The following NFIC variants were observed in gnomAD, a reference collection of about 807,000 sequenced individuals.
The protein encoded by NFIC is nuclear factor I C, also known as nuclear factor 1 C-type.
NFIC carries 12 observed loss-of-function variants against 54.4 expected under a neutral mutation model. That is an observed-to-expected ratio of 0.22 (90% confidence interval 0.14 to 0.36). The LOEUF (loss-of-function observed/expected upper bound fraction) is 0.36, where lower values mean the gene tolerates loss of function less well. Ranked by LOEUF, NFIC falls within the 10% of genes least tolerant of loss-of-function variation. The pLI is 1.00. For synonymous variants in NFIC, 322 were observed against 319.2 expected, an observed-to-expected ratio of 1.01 and a Z score of -0.09; for missense variants, 575 against 718.2, an observed-to-expected ratio of 0.80 and a Z score of 2.28.
At chr19:3,386,105 G>A (rs1390947968) in intron 2 of NFIC, among the ~76,000 whole-genome samples, 1 of 151,762 alleles carries the variant, frequency 6.6e-6, no homozygotes, top group Non-Finnish European at 1.5e-5. Flanking sequence ...CCCCAACTCC[G>A]GCTGGGTGTG....
rs2082476307 is a variant in NFIC, at chr19:3,452,267, C to G, written c.1085-215C>G. ...ACAAAACTAAAAAATTAAATTAAAA[C>G]ACAAGGATAATATCACAGCCCCAGT... On this transcript the variant is annotated intron_variant, in intron 7 of 10. Coordinates refer to ENST00000443272, the MANE Select transcript of NFIC (RefSeq NM_001245002.2). This position sits in a 1 kb window ranked among gnomAD's most constrained non-coding sequence, Gnocchi z 5.3. Among the ~76,000 whole-genome samples, 1 of 152,052 alleles carries G rather than the reference C, an allele frequency of 6.6e-6. No homozygotes were observed. Among genetic ancestry groups the G allele is most frequent in the South Asian group, 2.1e-4 (1 of 4,820 alleles).
At chr19:3,397,210 A>G (rs1453792886) in intron 2 of NFIC, among the ~76,000 whole-genome samples, 1 of 152,200 alleles carries the variant, frequency 6.6e-6, no homozygotes, top group Non-Finnish European at 1.5e-5. Context: ...ACTGAGGCCT[A>G]GAGAGGCAAA....
upstream of NFIC, chr19:3,359,636 C>G: frequency 2.2e-6 from 3 of 1,341,754 alleles, no homozygotes; most frequent in Non-Finnish European, 2.9e-6. Context: ...CGCCGGGGAC[C>G]GAGCGCGCTC....
chr19:3,466,694 T>A lies in NFIC; in HGVS notation c.*3925T>A, dbSNP rs73919194. 19,190 of 151,664 alleles carry A rather than the reference T, an allele frequency of 0.13. 2,080 individuals are homozygous for A. Among genetic ancestry groups the A allele is most frequent in the African/African-American group, 0.3 (12,192 of 41,172 alleles). The allele number at this position is 151,664 out of a possible 1,614,324, so 9.4% of individuals were successfully genotyped here. ...TTTCTGCCCCACTCCTGAGCAAATC[T>A]GTCTTGCCAAGGAACTAGGAGCAAC... On this transcript the variant is annotated 3_prime_UTR_variant, in exon 11 of 11. Coordinates refer to ENST00000443272, the MANE Select transcript of NFIC (RefSeq NM_001245002.2). The surrounding 1 kb of genome is among the most constrained non-coding windows in gnomAD (Gnocchi z 4.8).
rs112908314 is a variant in NFIC, at chr19:3,455,882, C to T, written c.1424-668C>T. The stretch of plus-strand genomic sequence containing the variant: ...TTCCCTGCACCGGGGCTCTTAACTG[C>T]AAATCTACTCCTACTTCTCCCCATA... On this transcript the variant is annotated intron_variant, in intron 9 of 10. Coordinates refer to ENST00000443272, the MANE Select transcript of NFIC (RefSeq NM_001245002.2). Among the ~76,000 whole-genome samples, 630 of 152,210 alleles carry T rather than the reference C, an allele frequency of 4.1e-3. 5 individuals are homozygous for T. Among genetic ancestry groups the T allele is most frequent in the African/African-American group, 0.015 (611 of 41,522 alleles).
At chr19:3,390,267 T>C (rs2081357514) in intron 2 of NFIC, among the ~76,000 whole-genome samples, 3 of 152,218 alleles carry the variant, frequency 2.0e-5, no homozygotes, top group African/African-American at 7.2e-5. Context: ...CAGCCGTCTG[T>C]CTGTGCAGAG....
chr19:3,460,900 G>A (rs182935284), intron 10 of NFIC, among the ~76,000 whole-genome samples: 4 of 150,408 alleles, frequency 2.7e-5, no homozygotes, highest in Admixed American at 6.6e-5. Flanking sequence ...CAAAGCAAAC[G>A]AATAAGCTGA....
At chr19:3,412,538 T>C (rs933001651) in intron 2 of NFIC, among the ~76,000 whole-genome samples, 1 of 152,158 alleles carries the variant, frequency 6.6e-6, no homozygotes, top group Non-Finnish European at 1.5e-5. Flanking sequence ...ATTACAGGTG[T>C]GAGCCACTGT....
rs1364437127 is a variant in NFIC, at chr19:3,369,448, C to T, written c.30+2782C>T. Among the ~76,000 whole-genome samples, 8 of 151,020 alleles carry T rather than the reference C, an allele frequency of 5.3e-5. No individual in the cohort carries two copies. The highest frequency in any genetic ancestry group is 1.0e-4 in the Non-Finnish European group (7 of 67,468). On this transcript the variant is annotated intron_variant, in intron 1 of 10. Transcript: ENST00000443272. The surrounding 1 kb of genome is among the most constrained non-coding windows in gnomAD (Gnocchi z 4.3). The stretch of plus-strand genomic sequence containing the variant: ...TTCCCAGCTAATTTTACAACCTGAG[C>T]CCAACCGAAAATAGCTCCCTTTTAG...
chr19:3,365,348 G>A (rs747756160), upstream of NFIC, among the ~76,000 whole-genome samples: 11 of 152,218 alleles, frequency 7.2e-5, no homozygotes, highest in Non-Finnish European at 1.6e-4. Context: ...GCTCTGCTAA[G>A]GTCATTGTCC....
At position 3,375,489 on chromosome 19, in the gene NFIC, G is replaced by A. The variant is rs539641407; in HGVS notation, c.31-6223G>A. ...CCATCTCTGGGTCTCATCCAGTCAG[G>A]GGCAGGGACGAGATTGGACAGGGCC... On this transcript the variant is annotated intron_variant, in intron 1 of 10. Coordinates refer to ENST00000443272, the MANE Select transcript of NFIC (RefSeq NM_001245002.2). The surrounding 1 kb of genome is among the most constrained non-coding windows in gnomAD (Gnocchi z 4.6). 5.3e-5 allele frequency among the ~76,000 whole-genome samples: 8 copies of A among 152,322 alleles called. No homozygotes were observed. The East Asian group carries it at 1.5e-3, about 29-fold the overall frequency.
At chr19:3,405,538 C>T (rs559844100) in intron 2 of NFIC, among the ~76,000 whole-genome samples, 1 of 152,202 alleles carries the variant, frequency 6.6e-6, no homozygotes, top group African/African-American at 2.4e-5. Flanking sequence ...AGGAAGTTCT[C>T]TATGGAGGAT....
intron 2 of NFIC, among the ~76,000 whole-genome samples, chr19:3,422,885 C>T (rs967181278): frequency 2.0e-5 from 3 of 151,674 alleles, no homozygotes; most frequent in Non-Finnish European, 2.9e-5. Flanking sequence ...GGTTCTGACC[C>T]GCAGCTTTCC....
intron 6 of NFIC, among the ~76,000 whole-genome samples, chr19:3,448,104 G>T (rs1270826753): frequency 2.7e-5 from 4 of 149,414 alleles, no homozygotes; most frequent in Admixed American, 1.3e-4. Context: ...ATGGAGTCTT[G>T]CTCTGTAGCC....
chr19:3,377,759 G>A (rs1488609793), intron 1 of NFIC, among the ~76,000 whole-genome samples: 1 of 151,762 alleles, frequency 6.6e-6, no homozygotes, highest in African/African-American at 2.4e-5. Context: ...CTACAGGTGT[G>A]CGCCACAGCA....
upstream of NFIC, among the ~76,000 whole-genome samples, chr19:3,362,165 C>T (rs983155414): frequency 1.3e-5 from 2 of 152,048 alleles, no homozygotes; most frequent in East Asian, 1.9e-4. Context: ...TGTGATGGTG[C>T]GTATGTGACT....
chr19:3,441,068 C>T (rs551825953), intron 6 of NFIC, among the ~76,000 whole-genome samples: 11 of 151,996 alleles, frequency 7.2e-5, no homozygotes, highest in Admixed American at 2.6e-4. Context: ...CCTCTGCTTC[C>T]CACAGTGTTG....
intron 1 of NFIC, among the ~76,000 whole-genome samples, chr19:3,379,063 G>A (rs1195017541): frequency 6.6e-6 from 1 of 150,790 alleles, no homozygotes; most frequent in African/African-American, 2.4e-5. Flanking sequence ...TTGTTTTTTT[G>A]TTTTTTGTTT....
At chr19:3,415,559 A>C (rs908243136) in intron 2 of NFIC, among the ~76,000 whole-genome samples, 2 of 152,100 alleles carry the variant, frequency 1.3e-5, no homozygotes, top group Non-Finnish European at 2.9e-5. Flanking sequence ...GTCTGAGACC[A>C]CACAGCAAGA....
Sources: gnomAD v4.1 joint callset for allele counts (sites outside exome capture counted in the v4.1 genomes callset) on GRCh38, gnomAD v4.1.1 for gene constraint, Gnocchi (gnomAD v3.1) non-coding constraint, MANE v1.5 for transcripts, NCBI Gene and HGNC (gene_info 2026-07-23, HGNC 2026-07-21) for gene names.